NMNAT2: variants seen among roughly 807,000 people sequenced by gnomAD.
The protein encoded by NMNAT2 is nicotinamide nucleotide adenylyltransferase 2.
In NMNAT2, 11 loss-of-function variants were observed where a neutral mutation model predicts 41.6. The observed-to-expected ratio is 0.26, with a 90% CI of 0.17 to 0.44. The LOEUF is 0.44. NMNAT2 is among the 20% of genes least tolerant of loss of function. NMNAT2 has a pLI of 1.00. For synonymous variants in NMNAT2, 148 were observed against 151.2 expected, an observed-to-expected ratio of 0.98 and a Z score of 0.16; for missense variants, 288 against 407.7, an observed-to-expected ratio of 0.71 and a Z score of 2.53.
chr1:183,366,939 A>G (rs1380131711), intron 1 of NMNAT2, among the ~76,000 whole-genome samples: 2 of 152,112 alleles, frequency 1.3e-5, no homozygotes, highest in African/African-American at 4.8e-5. Flanking sequence ...ATCTTTATCT[A>G]AGCACCACCC....
At chr1:183,372,385 G>C (rs1663568821) in intron 1 of NMNAT2, among the ~76,000 whole-genome samples, 1 of 152,188 alleles carries the variant, frequency 6.6e-6, no homozygotes, top group Non-Finnish European at 1.5e-5. Flanking sequence ...AAAAGTCGAA[G>C]GAGAGAACAG....
At chr1:183,296,768 C>T (rs7523677) in intron 1 of NMNAT2, among the ~76,000 whole-genome samples, 46,115 of 151,958 alleles carry the variant, frequency 0.3, 8,021 homozygotes, top group Middle Eastern at 0.4. Flanking sequence ...ACCACCTCAG[C>T]CTCCCAAAGT....
chr1:183,252,849 G>A (rs990602388), intron 10 of NMNAT2, 106 bp from the exon 11 acceptor site: 5 of 796,260 alleles, frequency 6.3e-6, no homozygotes, highest in Non-Finnish European at 8.6e-6. Context: ...CCTTTTCTCA[G>A]GTTGAGTAAA....
At chr1:183,310,190 A>T (rs16860790) in intron 1 of NMNAT2, among the ~76,000 whole-genome samples, 28,852 of 152,122 alleles carry the variant, frequency 0.19, 2,889 homozygotes, top group East Asian at 0.37. Flanking sequence ...TCTCCCAAAC[A>T]TTCTTAAAAT....
chr1:183,378,509 C>T (rs1353402658), intron 1 of NMNAT2, among the ~76,000 whole-genome samples: 3 of 150,330 alleles, frequency 2.0e-5, no homozygotes, highest in East Asian at 2.0e-4. Flanking sequence ...GAGCCAAGAT[C>T]GTGCAACTGC....
At chr1:183,257,717 C>G (rs1343871899) in intron 10 of NMNAT2, among the ~76,000 whole-genome samples, 1 of 150,830 alleles carries the variant, frequency 6.6e-6, no homozygotes, top group African/African-American at 2.4e-5. Flanking sequence ...GTTATAATGT[C>G]TACACTTTCA....
In NMNAT2 at chr1:183,250,046, A is replaced by G. The variant is rs1660333926; in HGVS notation, c.*2595T>C. 1 of 152,254 alleles carries G rather than the reference A, an allele frequency of 6.6e-6. No homozygotes were observed. Among genetic ancestry groups the G allele is most frequent in the Non-Finnish European group, 1.5e-5 (1 of 68,114 alleles). The allele number at this position is 152,254 out of a possible 1,614,324, so 9.4% of individuals were successfully genotyped here. A position where few individuals can be genotyped will look rare whatever the true frequency, so the allele number is the denominator to read the frequency against. On this transcript the variant is annotated 3_prime_UTR_variant, in exon 11 of 11. Transcript: ENST00000287713. Reference sequence around the variant, plus strand: ...AGCAGAGTGACAGAGTGGACCAAGAAACAAAAGAAATCGAGCCTTCCTCAG... The same window carrying G: ...AGCAGAGTGACAGAGTGGACCAAGAGACAAAAGAAATCGAGCCTTCCTCAG...
intron 1 of NMNAT2, among the ~76,000 whole-genome samples, chr1:183,417,514 C>G (rs892236510): frequency 3.3e-5 from 5 of 152,102 alleles, no homozygotes; most frequent in African/African-American, 7.2e-5. Context: ...GCCCCCTCCC[C>G]GTCCTAGGCA....
intron 1 of NMNAT2, among the ~76,000 whole-genome samples, chr1:183,346,472 C>G (rs1416586202): frequency 6.6e-6 from 1 of 152,176 alleles, no homozygotes; most frequent in Non-Finnish European, 1.5e-5. Context: ...CGAGGCACAA[C>G]AGACCATACC....
At chr1:183,418,114 TG>T (rs1429023410) in intron 1 of NMNAT2, 68 bp downstream of exon 1, 1 of 1,460,768 alleles carries the variant, frequency 6.8e-7, no homozygotes, top group African/African-American at 1.4e-5. Context: ...TCGATCGCCC[TG>T]GAAAACACAG....
At chr1:183,336,524 A>G (rs912257493) in intron 1 of NMNAT2, among the ~76,000 whole-genome samples, 8 of 152,226 alleles carry the variant, frequency 5.3e-5, no homozygotes, top group African/African-American at 1.9e-4. Context: ...ATCACTTCAT[A>G]TGGATTTGAA....
intron 1 of NMNAT2, among the ~76,000 whole-genome samples, chr1:183,417,691 A>G (rs1435201840): frequency 6.6e-6 from 1 of 152,132 alleles, no homozygotes; most frequent in Non-Finnish European, 1.5e-5. Context: ...AGCCCCTGTC[A>G]CCGGTGTGTC....
intron 1 of NMNAT2, among the ~76,000 whole-genome samples, chr1:183,391,399 A>G (rs943663940): frequency 2.6e-5 from 4 of 152,054 alleles, no homozygotes; most frequent in African/African-American, 7.2e-5. Context: ...TTGACCCAAT[A>G]CCTATAACCT....
intron 10 of NMNAT2, among the ~76,000 whole-genome samples, chr1:183,259,747 C>T (rs1231049933): frequency 6.6e-6 from 1 of 152,084 alleles, no homozygotes; most frequent in Non-Finnish European, 1.5e-5. Flanking sequence ...CTACAGGCGG[C>T]TGCCACCACG....
At chr1:183,389,738 A>C (rs558254721) in intron 1 of NMNAT2, among the ~76,000 whole-genome samples, 33 of 6,498 alleles carry the variant, frequency 5.1e-3, no homozygotes, top group African/African-American at 0.016. Flanking sequence ...CCTGTCAAAA[A>C]AGAAAGAAAG....
At chr1:183,268,231 G>A (rs1264889732) in intron 8 of NMNAT2, among the ~76,000 whole-genome samples, 2 of 152,150 alleles carry the variant, frequency 1.3e-5, no homozygotes, top group Admixed American at 6.5e-5. Flanking sequence ...CGTAGAGTTT[G>A]CATCATCCCT....
intron 1 of NMNAT2, among the ~76,000 whole-genome samples, chr1:183,296,626 C>T (rs1661706506): frequency 6.6e-6 from 1 of 151,770 alleles, no homozygotes; most frequent in Non-Finnish European, 1.5e-5. Flanking sequence ...GATTCTTGTG[C>T]CTCAGCCTCA....
At chr1:183,288,899 GA>G (rs1303754902) in intron 4 of NMNAT2, among the ~76,000 whole-genome samples, 1 of 152,246 alleles carries the variant, frequency 6.6e-6, no homozygotes. Flanking sequence ...AAGGGGACCA[GA>G]AGGGTCAGGA....
intron 10 of NMNAT2, among the ~76,000 whole-genome samples, chr1:183,258,283 C>T (rs1003262836): frequency 3.3e-5 from 5 of 152,212 alleles, no homozygotes; most frequent in South Asian, 2.1e-4. Context: ...CCTCCACATA[C>T]GTAGATTCTA....
Sources: gnomAD v4.1 joint callset for allele counts (sites outside exome capture counted in the v4.1 genomes callset) on GRCh38, gnomAD v4.1.1 for gene constraint, MANE v1.5 for transcripts, NCBI Gene and HGNC (gene_info 2026-07-23, HGNC 2026-07-21) for gene names.